The following TRIM68 variants were observed in gnomAD, a reference collection of about 807,000 sequenced individuals.
TRIM68 encodes the protein E3 ubiquitin-protein ligase TRIM68.
TRIM68 carries 36 observed loss-of-function variants against 41.9 expected under a neutral mutation model. The ratio of observed to expected loss-of-function variants is 0.86; its 90% CI spans 0.66 to 1.14. The LOEUF is 1.14. Among genes scored for constraint, TRIM68 ranks in the 50% most tolerant of loss-of-function variants. TRIM68 has a pLI of 0.00. For synonymous variants in TRIM68, 225 were observed against 224.6 expected, an observed-to-expected ratio of 1.00 and a Z score of -0.02; for missense variants, 632 against 605.1, an observed-to-expected ratio of 1.04 and a Z score of -0.47.
intron 3 of TRIM68, among the ~76,000 whole-genome samples, chr11:4,602,657 C>A (rs992939418): frequency 6.6e-6 from 1 of 152,202 alleles, no homozygotes; most frequent in Non-Finnish European, 1.5e-5. Context: ...ATACTACATG[C>A]TCTAGACTAT....
At chr11:4,604,812 C>T (rs1427912449) in intron 2 of TRIM68, among the ~76,000 whole-genome samples, 1 of 152,220 alleles carries the variant, frequency 6.6e-6, no homozygotes, top group African/African-American at 2.4e-5. Context: ...TGTTTTCCTT[C>T]ACATTCTCAT....
chr11:4,602,328 G>A lies in TRIM68; in HGVS notation c.607C>T (p.Arg203Trp), dbSNP rs755370050. The A allele has an allele frequency of 6.8e-6, 11 of 1,614,020 alleles. No individual in the cohort carries two copies. Among genetic ancestry groups the A allele is most frequent in the Middle Eastern group, 1.6e-4 (1 of 6,078 alleles). Residue 203 changes from arginine to tryptophan, a missense_variant, in exon 4 of 7, where the codon CGG becomes TGG. By Grantham distance (101) the Arg-to-Trp change is moderately radical. Coordinates refer to ENST00000300747, the MANE Select transcript of TRIM68 (RefSeq NM_018073.8). Reference protein sequence around the residue: ...RLLEKKQPPHRQLGAEVAAAL... With the variant: ...RLLEKKQPPHWQLGAEVAAAL... ...GCTGCTACCTCTGCCCCCAGCTGCC[G>A]ATGTGGTGGCTGCTTTTTCTCTAGT...
chr11:4,602,224 C>T lies in TRIM68; in HGVS notation c.711G>A (p.Gln237=), dbSNP rs1382282324. 6.2e-7 allele frequency: 1 copy of T among 1,614,202 alleles called. No homozygotes were observed. Among genetic ancestry groups the T allele is most frequent in the South Asian group, 1.1e-5 (1 of 91,088 alleles). ...LELNHSELIQ[Q]SQVLWRMIAE... is the part of the protein sequence containing the mutation. ...CAATCATCCTCCACAGGACCTGGCT[C>T]TGCTGGATGAGCTCGCTATGGTTCA... The change falls in exon 4 of 7, where the codon CAG becomes CAA. Residue 237 remains glutamine (Q), a synonymous_variant. Transcript: ENST00000300747.
chr11:4,603,513 C>G (rs1008931956), intron 2 of TRIM68, among the ~76,000 whole-genome samples, 173 bp from the exon 3 acceptor site: 2 of 152,226 alleles, frequency 1.3e-5, no homozygotes, highest in African/African-American at 4.8e-5. Context: ...AGGTAGCTCT[C>G]TGGGCTGAGA....
In TRIM68 at chr11:4,600,193, G is replaced by T; in HGVS notation, c.*83C>A. 1.5e-6 allele frequency: 2 copies of T among 1,378,466 alleles called. No homozygotes were observed. Among genetic ancestry groups the T allele is most frequent in the Non-Finnish European group, 2.0e-6 (2 of 1,016,544 alleles). 85.4% of individuals were successfully genotyped at this position (1,378,466 alleles called of 1,614,324 possible). A position where few individuals can be genotyped will look rare whatever the true frequency, so the allele number is the denominator to read the frequency against. On this transcript the variant is annotated 3_prime_UTR_variant, in exon 7 of 7. Coordinates refer to ENST00000300747, the MANE Select transcript of TRIM68 (RefSeq NM_018073.8). Reference sequence around the variant, plus strand: ...TACTGGGCTCAGCTCAGTTTCAGGGGATACCTGTCAGTGGCTCGGTCCTCC... The same window carrying T: ...TACTGGGCTCAGCTCAGTTTCAGGGTATACCTGTCAGTGGCTCGGTCCTCC...
At chr11:4,607,792 C>T (rs1465479587) in intron 1 of TRIM68, among the ~76,000 whole-genome samples, 1 of 152,152 alleles carries the variant, frequency 6.6e-6, no homozygotes, top group Non-Finnish European at 1.5e-5. Context: ...CTGTGCCTTC[C>T]GTAGGGTACA....
chr11:4,607,104 C>T (rs1846580612), intron 1 of TRIM68, among the ~76,000 whole-genome samples: 1 of 152,226 alleles, frequency 6.6e-6, no homozygotes, highest in Admixed American at 6.5e-5. Flanking sequence ...TAAACTTCCA[C>T]ACACTCCCGC....
At position 4,600,535 on chromosome 11, in the gene TRIM68, T is replaced by G; in HGVS notation, c.1199A>C (p.Lys400Thr). ...HYGFWVIRLR[K>T]GNEYRAGTDE... ...GGTGCCTGCTCGGTACTCATTTCCCTTCCTCAGCCTTATCACCCAGAATCC... is the reference window on the plus strand; with the variant it reads ...GGTGCCTGCTCGGTACTCATTTCCCGTCCTCAGCCTTATCACCCAGAATCC... Residue 400 changes from lysine (K) to threonine (T), a missense_variant, in exon 7 of 7, where the codon AAG (lysine) becomes ACG (threonine). Lys to Thr is a moderately conservative substitution (Grantham distance 78). Coordinates refer to ENST00000300747, the MANE Select transcript of TRIM68 (RefSeq NM_018073.8). 4 of 1,614,054 alleles carry G rather than the reference T, an allele frequency of 2.5e-6. No individual in the cohort carries two copies. Among genetic ancestry groups the G allele is most frequent in the Non-Finnish European group, 3.4e-6 (4 of 1,180,004 alleles).
chr11:4,603,299 T>C lies in TRIM68; in HGVS notation c.468A>G (p.Gln156=). 1 of 1,614,236 alleles carries C rather than the reference T, an allele frequency of 6.2e-7. No homozygotes were observed. Among genetic ancestry groups the C allele is most frequent in the Non-Finnish European group, 8.5e-7 (1 of 1,180,036 alleles). ...CAACTTCAAGCTTCCAGGCCTCTTC[T>C]TGCTCTTTCTTCAGATGTTCGAGGG... ...HEALEHLKKE[Q]EEAWKLEVGE... The change falls in exon 3 of 7, where the codon CAA becomes CAG. Residue 156 remains glutamine, a synonymous_variant. Transcript: ENST00000300747.
At position 4,605,344 on chromosome 11, in the gene TRIM68, C is replaced by A. The variant is rs886451477; in HGVS notation, c.161G>T (p.Gly54Val). Residue 54 changes from glycine to valine, a missense_variant, in exon 2 of 7, where the codon GGT becomes GTT. Coordinates refer to ENST00000300747, the MANE Select transcript of TRIM68 (RefSeq NM_018073.8). Reference protein sequence around the residue: ...WEIPGESQNWGYTCPLCRAPV... With the variant: ...WEIPGESQNWVYTCPLCRAPV... ...AGCTCGACAGAGGGGACAGGTGTAACCCCAGTTCTGGGATTCTCCTGGGAT... is the reference window on the plus strand; with the variant it reads ...AGCTCGACAGAGGGGACAGGTGTAAACCCAGTTCTGGGATTCTCCTGGGAT... The A allele has an allele frequency of 8.1e-6, 13 of 1,614,122 alleles. No homozygotes were observed. Among genetic ancestry groups the A allele is most frequent in the Non-Finnish European group, 1.0e-5 (12 of 1,180,054 alleles).
chr11:4,601,371 A>C (rs921277895), intron 5 of TRIM68: 3 of 593,798 alleles, frequency 5.1e-6, no homozygotes, highest in Non-Finnish European at 6.0e-6. Context: ...AAGTGCACAC[A>C]TTTTCTGTCG....
At chr11:4,604,325 G>A (rs1418889945) in intron 2 of TRIM68, among the ~76,000 whole-genome samples, 3 of 152,198 alleles carry the variant, frequency 2.0e-5, no homozygotes, top group Admixed American at 6.5e-5. Flanking sequence ...TAATGGTTCC[G>A]ATAAAGATGT....
At chr11:4,604,279 C>T (rs1357967095) in intron 2 of TRIM68, among the ~76,000 whole-genome samples, 1 of 152,210 alleles carries the variant, frequency 6.6e-6, no homozygotes, top group African/African-American at 2.4e-5. Flanking sequence ...AGAGTTGAGA[C>T]CAATGCTGGA....
At chr11:4,607,385 G>GGAGGATGTGTTAATATCCTCC (rs1192833206) in intron 1 of TRIM68, among the ~76,000 whole-genome samples, 2 of 152,198 alleles carry the variant, frequency 1.3e-5, no homozygotes, top group Non-Finnish European at 2.9e-5. Flanking sequence ...GATTGAAAGT[G>GGAGGATGTGTTAATATCCTCC]GAGGATGTGT....
At chr11:4,607,194 CT>C in intron 1 of TRIM68, among the ~76,000 whole-genome samples, 1 of 152,164 alleles carries the variant, frequency 6.6e-6, no homozygotes, top group Non-Finnish European at 1.5e-5. Flanking sequence ...ATGATCCTGC[CT>C]TTGACGTCAT....
rs763114159 is a variant in TRIM68, at chr11:4,600,329, C to G, written c.1405G>C (p.Gly469Arg). 6.8e-6 allele frequency: 11 copies of G among 1,610,096 alleles called. No homozygotes were observed. The East Asian group carries it at 2.2e-4, about 33-fold the overall frequency. ...GCCAGAGGAGCAGTGTTGTTGGTTC[C>G]AATGCTGTAGCAAGGACTAAAATAG... is the stretch of plus-strand genomic sequence containing the variant. ...LPYFSPCYSI[G>R]TNNTAPLAIC... The change falls in exon 7 of 7, where the codon GGA (glycine) becomes CGA (arginine). Residue 469 changes from glycine (G) to arginine (R), a missense_variant. Gly to Arg is a moderately radical substitution (Grantham distance 125). Transcript: ENST00000300747.
At position 4,600,360 on chromosome 11, in the gene TRIM68, G is replaced by C. The variant is rs779748074; in HGVS notation, c.1374C>G (p.Leu458=). The C allele has an allele frequency of 6.2e-7, 1 of 1,613,870 alleles. No homozygotes were observed. Among genetic ancestry groups the C allele is most frequent in the Non-Finnish European group, 8.5e-7 (1 of 1,179,914 alleles). ...TFPRYPFPGR[L]LPYFSPCYSI... is the part of the protein sequence containing the mutation. ...TGTAGCAAGGACTAAAATAGGGCAGGAGGCGCCCAGGGAAGGGATAGCGGG... is the reference window on the plus strand; with the variant it reads ...TGTAGCAAGGACTAAAATAGGGCAGCAGGCGCCCAGGGAAGGGATAGCGGG... The change falls in exon 7 of 7, where the codon CTC becomes CTG. Residue 458 remains leucine (L), a synonymous_variant. Coordinates refer to ENST00000300747, the MANE Select transcript of TRIM68 (RefSeq NM_018073.8).
intron 1 of TRIM68, among the ~76,000 whole-genome samples, chr11:4,606,082 C>A (rs1375084205): frequency 6.6e-6 from 1 of 152,198 alleles, no homozygotes; most frequent in African/African-American, 2.4e-5. Flanking sequence ...CACTAAAATG[C>A]AAAAACTGTA....
At position 4,605,060 on chromosome 11, in the gene TRIM68, G is replaced by A. The variant is rs774636363; in HGVS notation, c.426+19C>T. 3.1e-6 allele frequency: 5 copies of A among 1,609,924 alleles called. No individual in the cohort carries two copies. Among genetic ancestry groups the A allele is most frequent in the Non-Finnish European group, 4.2e-6 (5 of 1,177,344 alleles). ...TTGGGGCCGGGGTTAGACTGGAGTG[G>A]CCAGCTTCCATCTCTCACCTTGTAC... On this transcript the variant is annotated intron_variant, in intron 2 of 6. Coordinates refer to ENST00000300747, the MANE Select transcript of TRIM68 (RefSeq NM_018073.8).
Sources: gnomAD v4.1 joint callset for allele counts (sites outside exome capture counted in the v4.1 genomes callset) on GRCh38, gnomAD v4.1.1 for gene constraint, MANE v1.5 for transcripts, NCBI Gene and HGNC (gene_info 2026-07-23, HGNC 2026-07-21) for gene names.